LRFN2: variants seen among roughly 807,000 people sequenced by gnomAD.
LRFN2 encodes the protein leucine-rich repeat and fibronectin type-III domain-containing protein 2.
Under a neutral mutation model 37.3 loss-of-function variants are expected in LRFN2, and 18 were observed. The observed-to-expected ratio is 0.48, with a 90% CI of 0.33 to 0.72. The LOEUF (loss-of-function observed/expected upper bound fraction) is 0.72. Among genes scored for constraint, LRFN2 ranks in the 30% least tolerant of loss-of-function variants. LRFN2 has a pLI of 0.02. For synonymous variants in LRFN2, 556 were observed against 466.6 expected, an observed-to-expected ratio of 1.19 and a Z score of -2.47; for missense variants, 1,006 against 1,060.7, an observed-to-expected ratio of 0.95 and a Z score of 0.72.
chr6:40,405,287 C>A (rs1762818373), intron 2 of LRFN2, among the ~76,000 whole-genome samples: 1 of 152,204 alleles, frequency 6.6e-6, no homozygotes, highest in Non-Finnish European at 1.5e-5. Flanking sequence ...TGCACACAGG[C>A]TCTGGAGTCA....
intron 1 of LRFN2, among the ~76,000 whole-genome samples, chr6:40,495,439 C>T (rs1364650676): frequency 3.2e-4 from 49 of 152,192 alleles, no homozygotes; most frequent in Non-Finnish European, 1.5e-5. Flanking sequence ...ATCTCTACTA[C>T]CTCATCCCCA....
At chr6:40,535,651 C>T (rs1479403273) in intron 1 of LRFN2, among the ~76,000 whole-genome samples, 1 of 152,130 alleles carries the variant, frequency 6.6e-6, no homozygotes, top group Non-Finnish European at 1.5e-5. Flanking sequence ...CCAGCTGACC[C>T]AGGTTGATCT....
At chr6:40,484,831 A>ATGTCCAGGTGAGAGT (rs1463587007) in intron 1 of LRFN2, among the ~76,000 whole-genome samples, 3 of 152,344 alleles carry the variant, frequency 2.0e-5, no homozygotes, top group Middle Eastern at 3.4e-3. Flanking sequence ...ATTGAAGAGT[A>ATGTCCAGGTGAGAGT]TGTCCAGGTG....
At chr6:40,578,364 A>C (rs1328900009) in intron 1 of LRFN2, among the ~76,000 whole-genome samples, 1 of 152,198 alleles carries the variant, frequency 6.6e-6, no homozygotes, top group African/African-American at 2.4e-5. Context: ...CTCCTCCAAG[A>C]TTCTTGTGAC....
chr6:40,569,957 T>C (rs1024962690), intron 1 of LRFN2, among the ~76,000 whole-genome samples: 2 of 152,116 alleles, frequency 1.3e-5, no homozygotes, highest in African/African-American at 4.8e-5. Context: ...CCCTCCAGCA[T>C]GGCACTGCCA....
chr6:40,485,537 A>G (rs75140899), intron 1 of LRFN2, among the ~76,000 whole-genome samples: 2,618 of 152,326 alleles, frequency 0.017, 34 homozygotes, highest in East Asian at 0.026. Flanking sequence ...AAATCAGCAG[A>G]CAATGCAGCT....
chr6:40,569,804 C>T (rs929996251), intron 1 of LRFN2, among the ~76,000 whole-genome samples: 1 of 152,172 alleles, frequency 6.6e-6, no homozygotes, highest in Non-Finnish European at 1.5e-5. Context: ...ATGTCATTCT[C>T]AGCTTAAAAG....
chr6:40,451,557 C>T (rs1356687567), intron 1 of LRFN2, among the ~76,000 whole-genome samples: 1 of 152,208 alleles, frequency 6.6e-6, no homozygotes, highest in Non-Finnish European at 1.5e-5. Context: ...AATTATCAAT[C>T]CTCAGACTTA....
intron 1 of LRFN2, among the ~76,000 whole-genome samples, chr6:40,544,387 C>A (rs1766615345): frequency 6.6e-6 from 1 of 152,184 alleles, no homozygotes; most frequent in African/African-American, 2.4e-5. Context: ...TATAAGCCAG[C>A]CTTTGTTTCC....
chr6:40,486,630 G>T (rs1243904833), intron 1 of LRFN2, among the ~76,000 whole-genome samples: 2 of 152,140 alleles, frequency 1.3e-5, no homozygotes, highest in African/African-American at 2.4e-5. Flanking sequence ...GGATGAGGCC[G>T]CCTCATTTGA....
chr6:40,556,783 C>T (rs1041403355), intron 1 of LRFN2, among the ~76,000 whole-genome samples: 1 of 150,194 alleles, frequency 6.7e-6, no homozygotes, highest in Non-Finnish European at 1.5e-5. Flanking sequence ...TCTTGGCCAC[C>T]TTCTGGATGG....
intron 1 of LRFN2, among the ~76,000 whole-genome samples, chr6:40,455,023 G>A (rs961327348): frequency 2.6e-5 from 4 of 152,232 alleles, no homozygotes; most frequent in African/African-American, 7.2e-5. Context: ...TAAAAAAGAC[G>A]TCCTTTTTAT....
chr6:40,430,547 G>A (rs1763454911), intron 2 of LRFN2, among the ~76,000 whole-genome samples: 2 of 152,216 alleles, frequency 1.3e-5, no homozygotes, highest in African/African-American at 2.4e-5. Context: ...TGTCCTTCAT[G>A]TTTCATATAA....
intron 1 of LRFN2, among the ~76,000 whole-genome samples, chr6:40,435,243 C>A (rs1030028273): frequency 6.6e-6 from 1 of 150,462 alleles, no homozygotes; most frequent in African/African-American, 2.4e-5. Context: ...TCATGACAGC[C>A]TGAAACTCCT....
chr6:40,540,279 T>A (rs529106201), intron 1 of LRFN2, among the ~76,000 whole-genome samples: 23 of 152,282 alleles, frequency 1.5e-4, no homozygotes, highest in Admixed American at 2.6e-4. Flanking sequence ...ATTTTGTAAA[T>A]GTTGCTGATT....
In LRFN2 at chr6:40,432,131, C is replaced by A; in HGVS notation, c.983G>T (p.Arg328Leu). 6.2e-7 allele frequency: 1 copy of A among 1,613,738 alleles called. No homozygotes were observed. The highest frequency in any genetic ancestry group is 8.5e-7 in the Non-Finnish European group (1 of 1,179,924). ...GGTCCTTGAGGAGTTCCCTACCAGG[C>A]GGTCATCGGGGGCTACCCAGTGGAT... Reference protein sequence around the residue: ...PLIHWVAPDDRLVGNSSRTAV... With the variant: ...PLIHWVAPDDLLVGNSSRTAV... The change falls in exon 2 of 3, where the codon CGC becomes CTC. Residue 328 changes from arginine (R) to leucine (L), a missense_variant. Physicochemically the swap from Arg to Leu is moderately radical, Grantham distance 102. Around this residue, in one of 4 missense-constraint regions of LRFN2, gnomAD observed 303 missense variants for 299.8 expected, o/e 1.01. Transcript: ENST00000338305.
chr6:40,461,377 C>T (rs916986435), intron 1 of LRFN2, among the ~76,000 whole-genome samples: 2 of 152,006 alleles, frequency 1.3e-5, no homozygotes, highest in East Asian at 3.8e-4. Flanking sequence ...CATTGCACTC[C>T]AGCCTGGGTG....
At chr6:40,581,283 T>C (rs1324703618) in intron 1 of LRFN2, among the ~76,000 whole-genome samples, 2 of 152,188 alleles carry the variant, frequency 1.3e-5, no homozygotes, top group Admixed American at 1.3e-4. Context: ...GGCTGGATCA[T>C]GGACTCGTAA....
rs192699286 is a variant in LRFN2, at chr6:40,578,607, G to T, written c.-19+8334C>A. ...GTTAGAAAGGAGTATCAGTTAAGAG[G>T]GTCCTCAGTGGTATTTTCCTAAGTA... On this transcript the variant is annotated intron_variant, in intron 1 of 2. Transcript: ENST00000338305. Among the ~76,000 whole-genome samples the T allele has an allele frequency of 3.4e-3, 518 of 152,184 alleles. 3 individuals carry two copies. The highest frequency in any genetic ancestry group is 0.012 in the African/African-American group (496 of 41,480).
Sources: allele counts gnomAD v4.1 joint callset (sites outside exome capture counted in the v4.1 genomes callset), GRCh38; gene constraint gnomAD v4.1.1; regional missense constraint gnomAD v4.1.1; transcripts MANE v1.5; gene names NCBI Gene and HGNC (gene_info 2026-07-23, HGNC 2026-07-21).